The following THSD7B variants were observed in gnomAD, a reference collection of about 807,000 sequenced individuals.
THSD7B encodes the protein thrombospondin type 1 domain containing 7B.
A neutral mutation model predicts 213.6 loss-of-function variants in THSD7B; 138 were observed. That is an observed-to-expected ratio of 0.65 (90% CI 0.56 to 0.74). The LOEUF (loss-of-function observed/expected upper bound fraction) is 0.74, where lower values mean the gene tolerates loss of function less well. THSD7B is among the 30% of genes least tolerant of loss of function. The pLI is 0.00. For missense variants in THSD7B, 1,931 were observed against 1,991.5 expected, an observed-to-expected ratio of 0.97 and a Z score of 0.58; for synonymous variants, 742 against 687.0, an observed-to-expected ratio of 1.08 and a Z score of -1.25.
intron 1 of THSD7B, among the ~76,000 whole-genome samples, chr2:136,851,662 A>G (rs1170743269): frequency 6.6e-6 from 1 of 152,116 alleles, no homozygotes; most frequent in Non-Finnish European, 1.5e-5. Flanking sequence ...ACCGGGGCCT[A>G]GAGAGGGATG....
intron 21 of THSD7B, among the ~76,000 whole-genome samples, chr2:137,653,692 A>G (rs1683179105): frequency 6.7e-6 from 1 of 149,866 alleles, no homozygotes; most frequent in African/African-American, 2.5e-5. Context: ...TCTCTGCTTG[A>G]TCCATTCCGC....
At chr2:137,215,773 G>A (rs1339411123) in intron 7 of THSD7B, among the ~76,000 whole-genome samples, 1 of 152,136 alleles carries the variant, frequency 6.6e-6, no homozygotes, top group Non-Finnish European at 1.5e-5. Context: ...CTTTGAATAA[G>A]TGGAAATGTT....
At position 137,211,344 on chromosome 2, in the gene THSD7B, A is replaced by ACACACACACACACACACACAGAGG. The variant is rs1553479486; in HGVS notation, c.1724-19680_1724-19679insGAGGCACACACACACACACACACA. Among the ~76,000 whole-genome samples the ACACACACACACACACACACAGAGG allele has an allele frequency of 2.7e-3, 318 of 119,560 alleles. 3 individuals are homozygous for ACACACACACACACACACACAGAGG. The highest frequency in any genetic ancestry group is 7.6e-3 in the African/African-American group (271 of 35,740). The allele number at this position is 119,560 out of a possible 152,430, so 78.4% of individuals were successfully genotyped here. A position where few individuals can be genotyped will look rare whatever the true frequency, so the allele number is the denominator to read the frequency against. On this transcript the variant is annotated intron_variant, in intron 7 of 27. Coordinates refer to ENST00000409968, the MANE Select transcript of THSD7B (RefSeq NM_001316349.2). Reference sequence around the variant, plus strand: ...CTCTATCCTTCCTACACACACACACACACACACACACACACACACACGGAA... The same window carrying ACACACACACACACACACACAGAGG: ...CTCTATCCTTCCTACACACACACACACACACACACACACACACACAGAGGCACACACACACACACACACACGGAA...
chr2:136,878,688 A>G (rs1683566499), intron 1 of THSD7B, among the ~76,000 whole-genome samples: 1 of 151,872 alleles, frequency 6.6e-6, no homozygotes, highest in East Asian at 1.9e-4. Context: ...GCATTTTTTC[A>G]TGTCTCTTGG....
chr2:137,322,527 A>G (rs1684283993), intron 12 of THSD7B, among the ~76,000 whole-genome samples: 1 of 152,182 alleles, frequency 6.6e-6, no homozygotes, highest in African/African-American at 2.4e-5. Context: ...ACGAGACTGA[A>G]TCTTGGAGAA....
intron 10 of THSD7B, among the ~76,000 whole-genome samples, chr2:137,253,699 A>G (rs1682239995): frequency 6.6e-6 from 1 of 152,202 alleles, no homozygotes; most frequent in Non-Finnish European, 1.5e-5. Flanking sequence ...TGTACTTCCT[A>G]TGAAGAAATT....
intron 17 of THSD7B, among the ~76,000 whole-genome samples, chr2:137,606,291 G>T (rs1004833931): frequency 1.3e-5 from 2 of 152,170 alleles, no homozygotes; most frequent in Non-Finnish European, 2.9e-5. Context: ...TGACTAGAAA[G>T]AATGGACCTA....
chr2:136,862,242 C>T (rs1683267516), intron 1 of THSD7B, among the ~76,000 whole-genome samples: 1 of 152,142 alleles, frequency 6.6e-6, no homozygotes, highest in African/African-American at 2.4e-5. Context: ...GTCCTGTGGC[C>T]TCCCATGACC....
chr2:136,933,303 G>C (rs1430010481), intron 2 of THSD7B, among the ~76,000 whole-genome samples: 1 of 152,082 alleles, frequency 6.6e-6, no homozygotes, highest in Non-Finnish European at 1.5e-5. Context: ...AGCCGGGCGT[G>C]GTGGCTCACA....
chr2:137,545,494 A>AGAG (rs1405447519), intron 15 of THSD7B, among the ~76,000 whole-genome samples: 1 of 151,880 alleles, frequency 6.6e-6, no homozygotes, highest in Admixed American at 6.6e-5. Context: ...CCACCCCCGA[A>AGAG]GAGGACCACA....
intron 12 of THSD7B, among the ~76,000 whole-genome samples, chr2:137,386,992 C>A (rs530884530): frequency 1.6e-4 from 24 of 152,278 alleles, no homozygotes; most frequent in African/African-American, 5.8e-4. Flanking sequence ...CATTCTTTTT[C>A]ATGCTGCTAG....
intron 15 of THSD7B, among the ~76,000 whole-genome samples, chr2:137,526,688 T>C (rs2105174002): frequency 6.6e-6 from 1 of 152,286 alleles, no homozygotes; most frequent in Admixed American, 6.5e-5. Flanking sequence ...CCTCCCAAAG[T>C]GCTGGGATTA....
intron 5 of THSD7B, among the ~76,000 whole-genome samples, chr2:137,120,136 C>A (rs578088344): frequency 1.3e-5 from 2 of 152,082 alleles, no homozygotes; most frequent in African/African-American, 4.8e-5. Context: ...GATAAAATAA[C>A]CTTTGCTAAT....
At chr2:136,978,034 G>A (rs1185060862) in intron 2 of THSD7B, among the ~76,000 whole-genome samples, 1 of 152,116 alleles carries the variant, frequency 6.6e-6, no homozygotes, top group African/African-American at 2.4e-5. Flanking sequence ...CCTGACCTCA[G>A]GTGATCTGCC....
At chr2:137,017,225 A>G (rs1395425361) in intron 2 of THSD7B, among the ~76,000 whole-genome samples, 2 of 152,020 alleles carry the variant, frequency 1.3e-5, no homozygotes, top group African/African-American at 4.8e-5. Flanking sequence ...AAAAAAGAAA[A>G]CAGCAAACAT....
intron 12 of THSD7B, among the ~76,000 whole-genome samples, chr2:137,291,062 A>C (rs1194208551): frequency 6.6e-6 from 1 of 152,108 alleles, no homozygotes; most frequent in Middle Eastern, 3.2e-3. Context: ...ATTACCATGC[A>C]CACTTTTATG....
intron 7 of THSD7B, among the ~76,000 whole-genome samples, chr2:137,225,023 CT>C (rs1269668447): frequency 6.6e-6 from 1 of 151,834 alleles, no homozygotes; most frequent in Non-Finnish European, 1.5e-5. Flanking sequence ...TCATTTTAGC[CT>C]TTGCTCTATG....
chr2:136,869,494 A>G (rs1156948336), intron 1 of THSD7B, among the ~76,000 whole-genome samples: 1 of 152,240 alleles, frequency 6.6e-6, no homozygotes, highest in African/African-American at 2.4e-5. Context: ...CCTTAAATGC[A>G]AGGATTTAGA....
At chr2:136,782,073 G>A (rs1681753045) in intron 1 of THSD7B, among the ~76,000 whole-genome samples, 1 of 152,196 alleles carries the variant, frequency 6.6e-6, no homozygotes, top group African/African-American at 2.4e-5. Context: ...GTTTTTGCAT[G>A]TGTAAAGTGG....
Sources: gnomAD v4.1 joint callset for allele counts (sites outside exome capture counted in the v4.1 genomes callset) on GRCh38, gnomAD v4.1.1 for gene constraint, MANE v1.5 for transcripts, NCBI Gene and HGNC (gene_info 2026-07-23, HGNC 2026-07-21) for gene names.